The following MECOM variants were observed in gnomAD, a reference collection of about 807,000 sequenced individuals.
The protein encoded by MECOM is MDS1 and EVI1 complex locus.
In MECOM, 13 loss-of-function variants were observed where a neutral mutation model predicts 116.3. The observed-to-expected ratio is 0.11, with a 90% CI of 0.07 to 0.18. The LOEUF (loss-of-function observed/expected upper bound fraction) is 0.18, where lower values mean the gene tolerates loss of function less well. Ranked by LOEUF, MECOM falls within the 10% of genes least tolerant of loss-of-function variation. MECOM has a pLI of 1.00. For synonymous variants in MECOM, 528 were observed against 535.2 expected, an observed-to-expected ratio of 0.99 and a Z score of 0.19; for missense variants, 1,299 against 1,509.0, an observed-to-expected ratio of 0.86 and a Z score of 2.31.
At chr3:169,385,043 G>A (rs922787068) in intron 1 of MECOM, among the ~76,000 whole-genome samples, 1 of 149,598 alleles carries the variant, frequency 6.7e-6, no homozygotes. Context: ...GACAGAGGTT[G>A]CAGTGAGCCG....
intron 1 of MECOM, among the ~76,000 whole-genome samples, chr3:169,571,971 A>G (rs1220723076): frequency 6.6e-6 from 1 of 152,252 alleles, no homozygotes; most frequent in Non-Finnish European, 1.5e-5. Flanking sequence ...AATGGCAACA[A>G]AAGCCAAAAT....
chr3:169,605,685 C>T (rs1768444889), intron 1 of MECOM, among the ~76,000 whole-genome samples: 1 of 152,192 alleles, frequency 6.6e-6, no homozygotes, highest in South Asian at 2.1e-4. Flanking sequence ...AAGAACCTAT[C>T]TAGGTTGCCC....
intron 2 of MECOM, among the ~76,000 whole-genome samples, chr3:169,152,202 A>C (rs1424836334): frequency 6.6e-6 from 1 of 152,084 alleles, no homozygotes; most frequent in African/African-American, 2.4e-5. Context: ...AAGAGAGATT[A>C]CTGGTGACTC....
At chr3:169,512,660 C>A (rs1217244359) in intron 1 of MECOM, among the ~76,000 whole-genome samples, 1 of 152,230 alleles carries the variant, frequency 6.6e-6, no homozygotes, top group Non-Finnish European at 1.5e-5. Context: ...CTTATAATAT[C>A]TGATGAAAGA....
chr3:169,597,676 T>G (rs531744161), intron 1 of MECOM, among the ~76,000 whole-genome samples: 1 of 152,284 alleles, frequency 6.6e-6, no homozygotes, highest in African/African-American at 2.4e-5. Context: ...ATTTGACCAC[T>G]CTGGGTGATT....
intron 2 of MECOM, among the ~76,000 whole-genome samples, chr3:169,305,325 T>C (rs1717470143): frequency 6.6e-6 from 1 of 152,090 alleles, no homozygotes; most frequent in African/African-American, 2.4e-5. Flanking sequence ...AAGGTAGGTG[T>C]AACAAGTCAT....
intron 8 of MECOM, 67 bp downstream of exon 8, chr3:169,115,316 A>C: frequency 6.7e-7 from 1 of 1,498,586 alleles, no homozygotes; most frequent in Non-Finnish European, 9.0e-7. Flanking sequence ...AAAAGCCATC[A>C]CTTTACAGTG....
At chr3:169,539,541 C>T (rs972659286) in intron 1 of MECOM, among the ~76,000 whole-genome samples, 8 of 152,174 alleles carry the variant, frequency 5.3e-5, no homozygotes, top group African/African-American at 1.7e-4. Flanking sequence ...CCACCACCCA[C>T]TCATCTCCAC....
At chr3:169,085,461 G>T (rs926982687) in intron 16 of MECOM, among the ~76,000 whole-genome samples, 3 of 152,190 alleles carry the variant, frequency 2.0e-5, no homozygotes, top group African/African-American at 7.2e-5. Context: ...CCTAGTAGAG[G>T]ATACAGCCTG....
intron 1 of MECOM, among the ~76,000 whole-genome samples, chr3:169,510,827 C>A (rs191390313): frequency 1.6e-3 from 240 of 152,240 alleles, no homozygotes; most frequent in African/African-American, 5.7e-3. Context: ...GAGAGGGGGG[C>A]AAATTTAGAG....
intron 2 of MECOM, among the ~76,000 whole-genome samples, chr3:169,262,452 C>T (rs757554253): frequency 2.0e-5 from 3 of 152,182 alleles, no homozygotes; most frequent in Non-Finnish European, 4.4e-5. Context: ...CAAATTTTCC[C>T]ATACTGTATC....
chr3:169,471,604 G>T (rs1399901440), intron 1 of MECOM, among the ~76,000 whole-genome samples: 1 of 152,172 alleles, frequency 6.6e-6, no homozygotes, highest in Non-Finnish European at 1.5e-5. Context: ...TTCTTCCTTA[G>T]ATTTCTCAGC....
chr3:169,107,123 A>G (rs908259306), intron 10 of MECOM, among the ~76,000 whole-genome samples: 4 of 152,200 alleles, frequency 2.6e-5, no homozygotes, highest in Admixed American at 1.3e-4. Flanking sequence ...AAGGACAGCT[A>G]AACTATATCC....
chr3:169,578,044 A>G (rs1284206209), intron 1 of MECOM, among the ~76,000 whole-genome samples: 1 of 152,196 alleles, frequency 6.6e-6, no homozygotes, highest in Non-Finnish European at 1.5e-5. Flanking sequence ...GAAAAAAAAA[A>G]GACGTTGTTT....
At chr3:169,144,369 AG>A (rs1011705963) in intron 2 of MECOM, among the ~76,000 whole-genome samples, 1 of 152,190 alleles carries the variant, frequency 6.6e-6, no homozygotes, top group African/African-American at 2.4e-5. Flanking sequence ...AACAAACTAA[AG>A]AAAAACAAAT....
intron 2 of MECOM, among the ~76,000 whole-genome samples, chr3:169,210,040 C>A (rs1750509287): frequency 1.3e-5 from 2 of 152,098 alleles, no homozygotes; most frequent in Non-Finnish European, 2.9e-5. Flanking sequence ...GGAATGCGAT[C>A]ATGTCCTTTG....
intron 1 of MECOM, among the ~76,000 whole-genome samples, chr3:169,659,586 AG>A (rs1490287944): frequency 6.6e-6 from 1 of 151,664 alleles, no homozygotes; most frequent in Non-Finnish European, 1.5e-5. Flanking sequence ...CCTTCCTAGA[AG>A]GGGCCTCGGC....
At chr3:169,430,591 A>G (rs2108552155) in intron 1 of MECOM, among the ~76,000 whole-genome samples, 1 of 152,296 alleles carries the variant, frequency 6.6e-6, no homozygotes, top group East Asian at 1.9e-4. Context: ...AATAAGGAGA[A>G]AAAGGCCTCC....
intron 1 of MECOM, among the ~76,000 whole-genome samples, chr3:169,506,542 GCAGT>G (rs1755244883): frequency 6.6e-6 from 1 of 151,892 alleles, no homozygotes; most frequent in East Asian, 1.9e-4. Flanking sequence ...CATATTTCAT[GCAGT>G]CAAACTGAAT....
Sources: gnomAD v4.1 joint callset for allele counts (sites outside exome capture counted in the v4.1 genomes callset) on GRCh38, gnomAD v4.1.1 for gene constraint, MANE v1.5 for transcripts, NCBI Gene and HGNC (gene_info 2026-07-23, HGNC 2026-07-21) for gene names.